Variants in TNIP3 observed in about 807,000 individuals in gnomAD.
TNIP3 encodes the protein TNFAIP3-interacting protein 3.
A neutral mutation model predicts 54.1 loss-of-function variants in TNIP3; 34 were observed. The observed-to-expected ratio is 0.63, with a 90% CI of 0.48 to 0.84. The LOEUF is 0.84. Among genes scored for constraint, TNIP3 ranks in the 40% least tolerant of loss-of-function variants. TNIP3 has a pLI of 0.00. For missense variants in TNIP3, 366 were observed against 387.6 expected (o/e 0.94, Z 0.47); for synonymous variants, 134 against 136.8 (o/e 0.98, Z 0.14).
Position 121,144,209 on chromosome 4 carries a change from A to G in TNIP3, c.736-1433T>C, listed in dbSNP as rs17051294. Among the ~76,000 whole-genome samples the G allele has an allele frequency of 5.8e-3, 890 of 152,288 alleles. 13 individuals carry two copies. The highest frequency in any genetic ancestry group is 0.021 in the African/African-American group (852 of 41,558). On this transcript the variant is annotated intron_variant, in intron 7 of 10. Transcript: ENST00000057513. ...AGCAAGAACCAGTTTTCGTTTTCTC[A>G]CAGCATATAGCAGAATGCCTTGCAA...
intron 3 of TNIP3, among the ~76,000 whole-genome samples, chr4:121,158,275 A>ATTTGTG (rs1730229979): frequency 6.6e-6 from 1 of 152,152 alleles, no homozygotes; most frequent in Admixed American, 6.5e-5. Flanking sequence ...CTATTTGTGG[A>ATTTGTG]AAATAGGTCA....
At chr4:121,182,580 CG>C in intron 3 of TNIP3, 1 of 1,386,396 alleles carries the variant, frequency 7.2e-7, no homozygotes, top group Non-Finnish European at 9.7e-7. Context: ...ACATGACTGA[CG>C]GTAAATGACT....
chr4:121,180,604 A>C (rs1224020048), intron 3 of TNIP3, among the ~76,000 whole-genome samples: 1 of 152,222 alleles, frequency 6.6e-6, no homozygotes, highest in African/African-American at 2.4e-5. Flanking sequence ...ATGTTGTGTA[A>C]GAGTGAGTTC....
intron 3 of TNIP3, among the ~76,000 whole-genome samples, chr4:121,174,105 T>C (rs1246374296): frequency 1.3e-5 from 2 of 152,230 alleles, no homozygotes; most frequent in Non-Finnish European, 2.9e-5. Flanking sequence ...GAATCTTTTC[T>C]GCATCATTCC....
At chr4:121,210,626 G>A (rs529992179) in intron 2 of TNIP3, among the ~76,000 whole-genome samples, 1 of 152,312 alleles carries the variant, frequency 6.6e-6, no homozygotes, top group East Asian at 1.9e-4. Context: ...TGAGCAAGGT[G>A]CCAGCAGGTA....
chr4:121,167,054 G>A (rs997074934), upstream of TNIP3, among the ~76,000 whole-genome samples: 3 of 152,072 alleles, frequency 2.0e-5, no homozygotes, highest in Non-Finnish European at 2.9e-5. Context: ...AGCTTATATA[G>A]TAATAACAAT....
chr4:121,201,221 G>A (rs939425646), intron 2 of TNIP3, among the ~76,000 whole-genome samples: 1 of 152,152 alleles, frequency 6.6e-6, no homozygotes, highest in African/African-American at 2.4e-5. Context: ...GGACAACTGA[G>A]TGGCCATACT....
chr4:121,193,291 A>G (rs1047393675), intron 2 of TNIP3, among the ~76,000 whole-genome samples: 3 of 152,166 alleles, frequency 2.0e-5, no homozygotes, highest in Admixed American at 2.0e-4. Context: ...ATGGATGTGA[A>G]ATTGATGAGC....
chr4:121,225,679 A>T (rs982048579), intron 1 of TNIP3, among the ~76,000 whole-genome samples: 3 of 152,216 alleles, frequency 2.0e-5, no homozygotes, highest in Admixed American at 2.0e-4. Flanking sequence ...AAAGTTAACA[A>T]AGTGAGGTCT....
At chr4:121,203,760 A>G (rs911594303) in intron 2 of TNIP3, among the ~76,000 whole-genome samples, 2 of 151,934 alleles carry the variant, frequency 1.3e-5, no homozygotes, top group African/African-American at 4.8e-5. Flanking sequence ...TTTAACAAGC[A>G]AACATTAGAG....
At chr4:121,224,235 C>T (rs543898584) in intron 1 of TNIP3, among the ~76,000 whole-genome samples, 11 of 152,066 alleles carry the variant, frequency 7.2e-5, no homozygotes, top group South Asian at 6.2e-4. Context: ...TGGTGGTGGG[C>T]GCCTGTAATC....
At chr4:121,156,469 G>A (rs1730094000) in intron 4 of TNIP3, among the ~76,000 whole-genome samples, 1 of 152,190 alleles carries the variant, frequency 6.6e-6, no homozygotes, top group Non-Finnish European at 1.5e-5. Context: ...GAATCTGGAG[G>A]TTGGGTTCAA....
intron 1 of TNIP3, 104 bp from the exon 2 acceptor site, chr4:121,161,320 C>T (rs544501720): frequency 9.5e-6 from 9 of 945,734 alleles, no homozygotes; most frequent in Admixed American, 2.9e-5. Context: ...TCTCCTGTTG[C>T]GATTTAAAAA....
intron 2 of TNIP3, among the ~76,000 whole-genome samples, chr4:121,160,339 C>T (rs1467895593): frequency 6.6e-6 from 1 of 152,050 alleles, no homozygotes; most frequent in African/African-American, 2.4e-5. Flanking sequence ...ATTAGCTGGG[C>T]ATGGTCGTGC....
In TNIP3 at chr4:121,132,646, C is replaced by A; in HGVS notation, c.963G>T (p.Lys321Asn). The A allele has an allele frequency of 6.2e-7, 1 of 1,612,556 alleles. No individual in the cohort carries two copies. The part of the protein sequence containing the change: ...QHKANGLSSV[K>N]KVHP ...GTGTGTACTTCTACGGATGGACTTTCTTTACTGAGGATAAACCTATGGAAA... is the reference window on the plus strand; with the variant it reads ...GTGTGTACTTCTACGGATGGACTTTATTTACTGAGGATAAACCTATGGAAA... Residue 321 changes from lysine to asparagine, a missense_variant, in exon 11 of 11, where the codon AAG becomes AAT. Coordinates refer to ENST00000057513, the MANE Select transcript of TNIP3 (RefSeq NM_024873.6).
intron 2 of TNIP3, among the ~76,000 whole-genome samples, chr4:121,211,861 C>T (rs1252474281): frequency 6.6e-6 from 1 of 152,188 alleles, no homozygotes; most frequent in African/African-American, 2.4e-5. Flanking sequence ...TGCAGGTTGT[C>T]TGTGGCCTGC....
intron 2 of TNIP3, among the ~76,000 whole-genome samples, chr4:121,212,396 A>G (rs1212672930): frequency 6.6e-6 from 1 of 152,222 alleles, no homozygotes; most frequent in African/African-American, 2.4e-5. Flanking sequence ...TAAATAAATA[A>G]GATTGAGAGA....
chr4:121,219,636 C>T (rs1447117322), upstream of TNIP3, among the ~76,000 whole-genome samples: 1 of 152,124 alleles, frequency 6.6e-6, no homozygotes, highest in Non-Finnish European at 1.5e-5. Flanking sequence ...GCAGGGTGTT[C>T]GTATTACCAG....
At chr4:121,137,700 C>T (rs1177298539) in intron 10 of TNIP3, 1 of 321,848 alleles carries the variant, frequency 3.1e-6, no homozygotes, top group East Asian at 7.8e-5. Flanking sequence ...TAACAGACTC[C>T]TTGTATTAAA....
Sources: allele counts gnomAD v4.1 joint callset (sites outside exome capture counted in the v4.1 genomes callset), GRCh38; gene constraint gnomAD v4.1.1; transcripts MANE v1.5; gene names NCBI Gene and HGNC (gene_info 2026-07-23, HGNC 2026-07-21).